The following BCL11A variants were observed in gnomAD, a reference collection of about 807,000 sequenced individuals.
The protein encoded by BCL11A is B cell CLL/lymphoma 11A.
In BCL11A, 2 loss-of-function variants were observed where a neutral mutation model predicts 55.9. That is an observed-to-expected ratio of 0.04 (90% confidence interval 0.01 to 0.11). The LOEUF (loss-of-function observed/expected upper bound fraction) is 0.11. BCL11A is among the 10% of genes least tolerant of loss of function. The pLI, the probability that BCL11A is intolerant of heterozygous loss-of-function variation, is 1.00. For missense variants in BCL11A, 817 were observed against 1,137.1 expected (o/e 0.72, Z 4.05); for synonymous variants, 465 against 473.4 (o/e 0.98, Z 0.23).
chr2:60,514,182 C>A (rs1668620628), intron 2 of BCL11A, among the ~76,000 whole-genome samples: 1 of 152,128 alleles, frequency 6.6e-6, no homozygotes, highest in Non-Finnish European at 1.5e-5. Flanking sequence ...GGCTTCCAGG[C>A]TGGGCTACCT....
At chr2:60,471,640 G>A (rs1377544949) in intron 2 of BCL11A, among the ~76,000 whole-genome samples, 1 of 152,212 alleles carries the variant, frequency 6.6e-6, no homozygotes, top group Non-Finnish European at 1.5e-5. Flanking sequence ...AGCTGCCCCT[G>A]GTTGAGGGCC....
intron 2 of BCL11A, among the ~76,000 whole-genome samples, chr2:60,519,433 T>C (rs1307803687): frequency 1.3e-5 from 2 of 152,240 alleles, no homozygotes; most frequent in East Asian, 3.8e-4. Flanking sequence ...GCTTACTTTA[T>C]GCAGTGCCAA....
At chr2:60,467,894 A>T in intron 3 of BCL11A, among the ~76,000 whole-genome samples, 1 of 23,814 alleles carries the variant, frequency 4.2e-5, no homozygotes, top group Non-Finnish European at 8.8e-5. Flanking sequence ...GGTGGTAGTG[A>T]TGGTGGTGGT....
chr2:60,546,067 T>C lies in BCL11A; in HGVS notation c.289A>G (p.Asn97Asp), dbSNP rs1336948581. The C allele has an allele frequency of 1.2e-6, 2 of 1,614,232 alleles. No homozygotes were observed. The highest frequency in any genetic ancestry group is 1.7e-6 in the Non-Finnish European group (2 of 1,180,050). ...ACCTGGATGCCAACCTCCACGGGAT[T>C]GGATGCTTTTTTCATCTCGATTGGT... is the stretch of plus-strand genomic sequence containing the variant. ...PSPIEMKKAS[N>D]PVEVGIQVTP... The change falls in exon 2 of 4, where the codon AAT becomes GAT. Residue 97 changes from asparagine to aspartate, a missense_variant. By Grantham distance (23) the Asn-to-Asp change is conservative (BLOSUM62 1). Transcript: ENST00000642384. The surrounding 1 kb of genome is among the most constrained non-coding windows in gnomAD (Gnocchi z 4.1).
At chr2:60,548,834 T>C (rs190962801) in intron 1 of BCL11A, among the ~76,000 whole-genome samples, 136 of 152,294 alleles carry the variant, frequency 8.9e-4, no homozygotes, top group Non-Finnish European at 3.4e-4. Flanking sequence ...GAAAATACAA[T>C]TCTCATGGTG....
chr2:60,490,404 C>G (rs1678557154), intron 2 of BCL11A, among the ~76,000 whole-genome samples: 1 of 152,226 alleles, frequency 6.6e-6, no homozygotes, highest in Admixed American at 6.5e-5. Flanking sequence ...CTCCAATTTT[C>G]TATTCCAGTC....
intron 2 of BCL11A, among the ~76,000 whole-genome samples, chr2:60,488,698 A>G (rs1181817283): frequency 3.3e-5 from 5 of 152,242 alleles, no homozygotes; most frequent in Non-Finnish European, 7.3e-5. Context: ...ATAGCCAAAG[A>G]TCCAAAAACA....
At chr2:60,486,490 C>T (rs1678284710) in intron 2 of BCL11A, among the ~76,000 whole-genome samples, 1 of 152,124 alleles carries the variant, frequency 6.6e-6, no homozygotes, top group Non-Finnish European at 1.5e-5. Context: ...TTCTAAAGAC[C>T]TACCAATCTA....
intron 2 of BCL11A, among the ~76,000 whole-genome samples, chr2:60,507,856 G>A (rs1679733951): frequency 6.6e-6 from 1 of 152,100 alleles, no homozygotes; most frequent in South Asian, 2.1e-4. Context: ...CAATGCTCCT[G>A]TAACAAAGGA....
At chr2:60,454,794 T>C (rs992645144), downstream of BCL11A, among the ~76,000 whole-genome samples, 2 of 152,212 alleles carry the variant, frequency 1.3e-5, no homozygotes, top group Non-Finnish European at 1.5e-5. Context: ...ATTGGAATTA[T>C]ACCTAAGCCA....
At chr2:60,477,433 G>A (rs1474385779) in intron 2 of BCL11A, among the ~76,000 whole-genome samples, 1 of 152,096 alleles carries the variant, frequency 6.6e-6, no homozygotes, top group Non-Finnish European at 1.5e-5. Context: ...ACTAGAATAA[G>A]CTAAAGAAAA....
chr2:60,509,024 C>T (rs1450571672), intron 2 of BCL11A, among the ~76,000 whole-genome samples: 1 of 152,186 alleles, frequency 6.6e-6, no homozygotes, highest in East Asian at 1.9e-4. Context: ...ATTGCTAAAG[C>T]CTAGAGGACC....
chr2:60,452,747 T>G, downstream of BCL11A: 1 of 1,157,436 alleles, frequency 8.6e-7, no homozygotes, highest in Non-Finnish European at 1.3e-6. Flanking sequence ...GTTCTCTAAC[T>G]AGCTTTTTAA....
At chr2:60,505,119 T>G (rs2104434073) in intron 2 of BCL11A, among the ~76,000 whole-genome samples, 1 of 152,226 alleles carries the variant, frequency 6.6e-6, no homozygotes, top group South Asian at 2.1e-4. Flanking sequence ...AGTCTCAATT[T>G]GACAATACTC....
rs548763512 is a variant in BCL11A at position 60,509,196 on chromosome 2, A to G, written c.385+36775T>C. On this transcript the variant is annotated intron_variant, in intron 2 of 3. Coordinates refer to ENST00000642384, the MANE Select transcript of BCL11A (RefSeq NM_022893.4). The stretch of plus-strand genomic sequence containing the variant: ...ACCCCCCAATAATTTACTTGGTCTC[A>G]GCTTTGGCTGGCTTGGATGTTATGA... Among the ~76,000 whole-genome samples the G allele has an allele frequency of 2.0e-5, 3 of 152,348 alleles. No individual in the cohort carries two copies. The South Asian group carries it at 6.2e-4, about 32-fold the overall frequency.
chr2:60,457,717 A>G lies in BCL11A; in HGVS notation c.*2687T>C. On this transcript the variant is annotated 3_prime_UTR_variant, in exon 4 of 4. Coordinates refer to ENST00000642384, the MANE Select transcript of BCL11A (RefSeq NM_022893.4). ...TTTTTCTTTCTTTCTTTTACTGCAT[A>G]TGAAGGTAAGATGCTGGAATGTAGG... 1 of 1,012,024 alleles carries G rather than the reference A, an allele frequency of 9.9e-7. No homozygotes were observed. The highest frequency in any genetic ancestry group is 1.2e-6 in the Non-Finnish European group (1 of 849,482). 62.7% of individuals were successfully genotyped at this position (1,012,024 alleles called of 1,614,324 possible).
intron 1 of BCL11A, among the ~76,000 whole-genome samples, chr2:60,551,242 C>T (rs1558528684): frequency 6.6e-6 from 1 of 152,378 alleles, no homozygotes; most frequent in South Asian, 2.1e-4. Context: ...CACCGCCCGC[C>T]TTTCCAGGCG....
At chr2:60,485,889 A>G (rs1000366287) in intron 2 of BCL11A, among the ~76,000 whole-genome samples, 1 of 152,162 alleles carries the variant, frequency 6.6e-6, no homozygotes, top group Non-Finnish European at 1.5e-5. Flanking sequence ...GAAATAATAC[A>G]TTGCTGCATC....
At chr2:60,486,003 C>G (rs915830858) in intron 2 of BCL11A, among the ~76,000 whole-genome samples, 1 of 151,716 alleles carries the variant, frequency 6.6e-6, no homozygotes, top group Non-Finnish European at 1.5e-5. Context: ...TCCTCTCCCC[C>G]ACCACACGTA....
Sources: allele counts gnomAD v4.1 joint callset (sites outside exome capture counted in the v4.1 genomes callset), GRCh38; gene constraint gnomAD v4.1.1; non-coding constraint Gnocchi (gnomAD v3.1); transcripts MANE v1.5; gene names NCBI Gene and HGNC (gene_info 2026-07-23, HGNC 2026-07-21).